The following ADGRG7 variants were observed in gnomAD, a reference collection of about 807,000 sequenced individuals.
ADGRG7 encodes the protein adhesion G protein-coupled receptor G7, also known as G-protein coupled receptor 128.
ADGRG7 carries 82 observed loss-of-function variants against 88.6 expected under a neutral mutation model. The ratio of observed to expected loss-of-function variants is 0.93; its 90% confidence interval spans 0.77 to 1.11. The LOEUF (loss-of-function observed/expected upper bound fraction) is 1.11, where lower values mean the gene tolerates loss of function less well. ADGRG7 is among the 50% of genes most tolerant of loss of function. The probability of loss-of-function intolerance (pLI) is 0.00; values close to 1 mark genes in which losing one functional copy is unlikely to be tolerated. For missense variants in ADGRG7, 945 were observed against 953.4 expected (o/e 0.99, Z 0.12); for synonymous variants, 381 against 345.2 (o/e 1.10, Z -1.15).
chr3:100,683,688 T>C (rs919543074), intron 15 of ADGRG7, among the ~76,000 whole-genome samples: 4 of 152,224 alleles, frequency 2.6e-5, no homozygotes, highest in Non-Finnish European at 5.9e-5. Flanking sequence ...GTAGGAGGAA[T>C]GAGCCCAGTG....
At chr3:100,619,577 T>C (rs1303298351) in intron 1 of ADGRG7, among the ~76,000 whole-genome samples, 7 of 151,672 alleles carry the variant, frequency 4.6e-5, no homozygotes, top group Middle Eastern at 6.8e-3. Flanking sequence ...CTGAAGGAAA[T>C]AAAGACACAA....
At chr3:100,679,581 A>G (rs2094970210) in intron 15 of ADGRG7, among the ~76,000 whole-genome samples, 1 of 152,208 alleles carries the variant, frequency 6.6e-6, no homozygotes, top group Non-Finnish European at 1.5e-5. Flanking sequence ...CTCCTTACAG[A>G]CTATTTTTAA....
At chr3:100,683,705 A>G (rs1261894456) in intron 15 of ADGRG7, among the ~76,000 whole-genome samples, 2 of 152,234 alleles carry the variant, frequency 1.3e-5, no homozygotes, top group African/African-American at 2.4e-5. Flanking sequence ...AGTGGGCTAG[A>G]GCTAAATGTT....
intron 11 of ADGRG7, 81 bp downstream of exon 11, chr3:100,649,888 TC>T: frequency 1.3e-6 from 1 of 753,614 alleles, no homozygotes; most frequent in South Asian, 1.8e-5. Flanking sequence ...ATGAGTAGTG[TC>T]TTTGAACTAG....
At chr3:100,618,168 C>T (rs1707252712) in intron 1 of ADGRG7, among the ~76,000 whole-genome samples, 2 of 152,094 alleles carry the variant, frequency 1.3e-5, no homozygotes, top group South Asian at 2.1e-4. Context: ...CTGTAGGTTG[C>T]CTGTTCACTC....
chr3:100,659,218 G>T (rs1453226330), intron 13 of ADGRG7, among the ~76,000 whole-genome samples: 1 of 151,916 alleles, frequency 6.6e-6, no homozygotes, highest in African/African-American at 2.4e-5. Flanking sequence ...GGATCACGAG[G>T]TCAGGAGATC....
chr3:100,676,524 G>A (rs537988757), intron 15 of ADGRG7, among the ~76,000 whole-genome samples: 1 of 151,940 alleles, frequency 6.6e-6, no homozygotes, highest in Admixed American at 6.6e-5. Flanking sequence ...TTAACATATG[G>A]TCTATATTTG....
intron 11 of ADGRG7, 55 bp from the exon 12 acceptor site, chr3:100,654,780 T>C (rs2094935208): frequency 9.2e-7 from 1 of 1,089,494 alleles, no homozygotes; most frequent in African/African-American, 1.6e-5. Context: ...GCAGTTTGTT[T>C]TGTGCAGTTG....
At chr3:100,691,652 A>G (rs1014078580) in intron 15 of ADGRG7, among the ~76,000 whole-genome samples, 1 of 117,094 alleles carries the variant, frequency 8.5e-6, no homozygotes, top group African/African-American at 2.9e-5. Flanking sequence ...TGTTACTTTA[A>G]TACATTATCA....
intron 6 of ADGRG7, among the ~76,000 whole-genome samples, chr3:100,641,161 T>G (rs1456285985): frequency 6.6e-6 from 1 of 152,148 alleles, no homozygotes; most frequent in African/African-American, 2.4e-5. Context: ...TTCGTTCAAG[T>G]GCAAAGTTTA....
intron 14 of ADGRG7, among the ~76,000 whole-genome samples, chr3:100,668,179 C>A (rs1273116832): frequency 6.6e-6 from 1 of 152,192 alleles, no homozygotes; most frequent in African/African-American, 2.4e-5. Flanking sequence ...AAATCATCTG[C>A]CTTCTGCGTC....
At position 100,659,741 on chromosome 3, in the gene ADGRG7, G is replaced by T. The variant is rs374537120; in HGVS notation, c.1877G>T (p.Trp626Leu). The T allele has an allele frequency of 1.7e-5, 28 of 1,613,866 alleles. No individual in the cohort carries two copies. The highest frequency in any genetic ancestry group is 1.7e-4 in the Admixed American group (10 of 59,988). ...GGTGTTATAAAAAGTCCGCTGTTGTGGTCATTCATCGTACCTGTAACCATT... is the reference window on the plus strand; with the variant it reads ...GGTGTTATAAAAAGTCCGCTGTTGTTGTCATTCATCGTACCTGTAACCATT... ...PNGVIKSPLL[W>L]SFIVPVTIIL... Residue 626 changes from tryptophan to leucine, a missense_variant, in exon 14 of 16, where the codon TGG becomes TTG. By Grantham distance (61) the Trp-to-Leu change is moderately conservative. Coordinates refer to ENST00000273352, the MANE Select transcript of ADGRG7 (RefSeq NM_032787.3).
At chr3:100,677,673 G>C (rs1379001104) in intron 15 of ADGRG7, among the ~76,000 whole-genome samples, 2 of 152,048 alleles carry the variant, frequency 1.3e-5, no homozygotes, top group African/African-American at 4.8e-5. Flanking sequence ...CTTCATGTTT[G>C]AAGGATATTT....
At chr3:100,619,209 C>G in intron 1 of ADGRG7, among the ~76,000 whole-genome samples, 1 of 152,190 alleles carries the variant, frequency 6.6e-6, no homozygotes, top group East Asian at 1.9e-4. Context: ...CAAACTGTGT[C>G]TCAGACCACA....
chr3:100,641,333 G>T (rs1218026370), intron 6 of ADGRG7, among the ~76,000 whole-genome samples: 1 of 151,194 alleles, frequency 6.6e-6, no homozygotes, highest in East Asian at 1.9e-4. Flanking sequence ...GTAATGCATG[G>T]TTATAGTAAT....
chr3:100,659,458 A>AG (rs2094942146), intron 13 of ADGRG7, among the ~76,000 whole-genome samples: 3 of 140,744 alleles, frequency 2.1e-5, no homozygotes, highest in Admixed American at 1.4e-4. Context: ...AAAAAAAAAA[A>AG]AAAAAAGGCC....
Position 100,655,176 on chromosome 3 carries a change from G to A in ADGRG7, c.1721G>A (p.Gly574Glu). 1.9e-6 allele frequency: 3 copies of A among 1,601,750 alleles called. No individual in the cohort carries two copies. The highest frequency in any genetic ancestry group is 2.6e-6 in the Non-Finnish European group (3 of 1,170,814). The change falls in exon 12 of 16, where the codon GGA becomes GAA. Residue 574 changes from glycine to glutamate, a missense_variant. By Grantham distance (98) the Gly-to-Glu change is moderately conservative. Coordinates refer to ENST00000273352, the MANE Select transcript of ADGRG7 (RefSeq NM_032787.3). ...TTCATTCTTTTCATCTCATTAATTG[G>A]ATGGGGTAAGTGTTTGCATCTCCCC... ...RHFILFISLI[G>E]WGVPAIVVAI...
At chr3:100,686,214 A>C (rs2094982381) in intron 15 of ADGRG7, among the ~76,000 whole-genome samples, 1 of 151,282 alleles carries the variant, frequency 6.6e-6, no homozygotes, top group Non-Finnish European at 1.5e-5. Flanking sequence ...CCACTTTTTG[A>C]TGGGGTTGTT....
At chr3:100,627,658 TA>T (rs1449204502) in intron 1 of ADGRG7, among the ~76,000 whole-genome samples, 4 of 152,206 alleles carry the variant, frequency 2.6e-5, no homozygotes, top group African/African-American at 7.2e-5. Flanking sequence ...TTTTCTAATT[TA>T]CGAGTAAAAC....
Sources: allele counts gnomAD v4.1 joint callset (sites outside exome capture counted in the v4.1 genomes callset), GRCh38; gene constraint gnomAD v4.1.1; transcripts MANE v1.5; gene names NCBI Gene and HGNC (gene_info 2026-07-23, HGNC 2026-07-21).